The following EYS variants were observed in gnomAD, a reference collection of about 807,000 sequenced individuals.
EYS encodes protein eyes shut homolog.
A neutral mutation model predicts 282.1 loss-of-function variants in EYS; 250 were observed. The observed-to-expected ratio is 0.89, with a 90% CI of 0.80 to 0.98. EYS has a LOEUF of 0.98. Among genes scored for constraint, EYS ranks in the 50% least tolerant of loss-of-function variants. The pLI is 0.00. For missense variants in EYS, 4,016 were observed against 3,709.0 expected (o/e 1.08, Z -2.15); for synonymous variants, 1,355 against 1,282.9 (o/e 1.06, Z -1.20).
chr6:64,782,379 T>C lies in EYS; in HGVS notation c.3443+30999A>G, dbSNP rs73768416. On this transcript the variant is annotated intron_variant, in intron 22 of 42. Coordinates refer to ENST00000503581, the MANE Select transcript of EYS (RefSeq NM_001142800.2). ...GAAATAGTCAATACCCTATTTAGGGTCATGAAGCAGGCACAACGAAATTTT... is the reference window on the plus strand; with the variant it reads ...GAAATAGTCAATACCCTATTTAGGGCCATGAAGCAGGCACAACGAAATTTT... Among the ~76,000 whole-genome samples the C allele has an allele frequency of 8.8e-3, 1,343 of 152,268 alleles. 25 individuals are homozygous for C. The highest frequency in any genetic ancestry group is 0.031 in the African/African-American group (1,278 of 41,558).
chr6:65,553,421 G>C (rs943669400), intron 2 of EYS, among the ~76,000 whole-genome samples: 6 of 152,136 alleles, frequency 3.9e-5, no homozygotes, highest in Non-Finnish European at 8.8e-5. Flanking sequence ...AGGAAGCTAT[G>C]TCCAGCATCT....
At chr6:64,446,989 G>T (rs201091693) in intron 26 of EYS, among the ~76,000 whole-genome samples, 40,005 of 149,402 alleles carry the variant, frequency 0.27, 5,551 homozygotes, top group East Asian at 0.44. Flanking sequence ...GTGTGTGTGG[G>T]GGGGGGGTGC....
chr6:64,906,872 C>T (rs895043730), intron 16 of EYS, among the ~76,000 whole-genome samples: 1 of 151,988 alleles, frequency 6.6e-6, no homozygotes, highest in African/African-American at 2.4e-5. Context: ...GATAAAGAAC[C>T]ATTCATAAAA....
chr6:64,922,168 C>T (rs897828403), intron 15 of EYS, among the ~76,000 whole-genome samples: 4 of 152,148 alleles, frequency 2.6e-5, no homozygotes, highest in African/African-American at 9.7e-5. Context: ...CTCCCTCTCT[C>T]CCACCTCTGT....
intron 22 of EYS, among the ~76,000 whole-genome samples, chr6:64,746,765 T>A (rs756094558): frequency 6.6e-6 from 1 of 152,242 alleles, no homozygotes; most frequent in Non-Finnish European, 1.5e-5. Context: ...AGCAACTTTG[T>A]CAGTTCATCC....
rs1360577532 is a variant in EYS, at chr6:65,550,801, G to A, written c.-332-54808C>T. 3.0e-4 allele frequency among the ~76,000 whole-genome samples: 4 copies of A among 13,300 alleles called. 1 individual carries two copies. Among genetic ancestry groups the A allele is most frequent in the Non-Finnish European group, 4.4e-4 (4 of 9,038 alleles). The allele number at this position is 13,300 out of a possible 152,430, so 8.7% of individuals were successfully genotyped here. A position where few individuals can be genotyped will look rare whatever the true frequency, so the allele number is the denominator to read the frequency against. On this transcript the variant is annotated intron_variant, in intron 2 of 42. Transcript: ENST00000503581. ...GTGAATAGTGCCGCAATAAACATAC[G>A]TGTGCATGTGTCTTTATAGCAGCAT...
intron 12 of EYS, among the ~76,000 whole-genome samples, chr6:65,148,889 A>C (rs777043253): frequency 1.3e-5 from 2 of 152,058 alleles, no homozygotes; most frequent in Non-Finnish European, 2.9e-5. Flanking sequence ...CACCCTCTGA[A>C]GTAATGGCCC....
chr6:64,389,667 TAGAA>T (rs1561965954), intron 28 of EYS, among the ~76,000 whole-genome samples: 1 of 152,220 alleles, frequency 6.6e-6, no homozygotes, highest in Non-Finnish European at 1.5e-5. Flanking sequence ...CTAACCCTTA[TAGAA>T]AAAGTTGGTA....
chr6:65,650,177 G>A (rs757198291), intron 1 of EYS, among the ~76,000 whole-genome samples: 7 of 152,126 alleles, frequency 4.6e-5, no homozygotes, highest in African/African-American at 7.2e-5. Context: ...ATGAAGGCAG[G>A]CAAAATAGAG....
At chr6:65,652,718 G>T (rs896083091) in intron 1 of EYS, among the ~76,000 whole-genome samples, 1 of 151,880 alleles carries the variant, frequency 6.6e-6, no homozygotes, top group East Asian at 1.9e-4. Flanking sequence ...CTAAAATACA[G>T]TAAAATTTTG....
At chr6:64,299,417 T>C (rs1769151124) in intron 30 of EYS, among the ~76,000 whole-genome samples, 1 of 152,218 alleles carries the variant, frequency 6.6e-6, no homozygotes, top group Admixed American at 6.5e-5. Context: ...AGTGTCTGAG[T>C]ACATTATTCA....
chr6:64,978,621 C>T (rs1382069675), intron 14 of EYS, among the ~76,000 whole-genome samples: 1 of 151,888 alleles, frequency 6.6e-6, no homozygotes, highest in Non-Finnish European at 1.5e-5. Context: ...AGTAATTTCT[C>T]TGATGGATCT....
intron 8 of EYS, among the ~76,000 whole-genome samples, chr6:65,377,033 A>G (rs1303286661): frequency 6.6e-6 from 1 of 152,214 alleles, no homozygotes; most frequent in Non-Finnish European, 1.5e-5. Context: ...CCTAGTAGAT[A>G]TCTACAGAAC....
intron 1 of EYS, among the ~76,000 whole-genome samples, chr6:65,676,028 A>G (rs1251501716): frequency 6.6e-6 from 1 of 151,866 alleles, no homozygotes; most frequent in Non-Finnish European, 1.5e-5. Flanking sequence ...ATATGTACTG[A>G]CACAAACAAA....
chr6:64,621,308 C>A (rs80153090), intron 23 of EYS, among the ~76,000 whole-genome samples: 1 of 152,002 alleles, frequency 6.6e-6, no homozygotes, highest in East Asian at 1.9e-4. Context: ...ATTTTATTTT[C>A]ATTTCATTTT....
Position 64,582,716 on chromosome 6 carries a change from T to C in EYS, c.5644+7507A>G, listed in dbSNP as rs574263323. Among the ~76,000 whole-genome samples, 5 of 152,118 alleles carry C rather than the reference T, an allele frequency of 3.3e-5. No homozygotes were observed. The East Asian group carries it at 9.7e-4, about 29-fold the overall frequency. ...CAAAAAAGTTTGTATTATTAAACTA[T>C]CACAATCACTCTACTGTATTCTCTA... On this transcript the variant is annotated intron_variant, in intron 26 of 42. Coordinates refer to ENST00000503581, the MANE Select transcript of EYS (RefSeq NM_001142800.2).
At chr6:64,288,414 C>G (rs1488782017) in intron 30 of EYS, among the ~76,000 whole-genome samples, 2 of 152,072 alleles carry the variant, frequency 1.3e-5, no homozygotes, top group Non-Finnish European at 2.9e-5. Context: ...AATCAAGTTC[C>G]TCTTTGCCTC....
intron 7 of EYS, among the ~76,000 whole-genome samples, chr6:65,390,945 A>C (rs1766006991): frequency 6.6e-6 from 1 of 152,132 alleles, no homozygotes; most frequent in Admixed American, 6.6e-5. Context: ...TATTCTGTGG[A>C]CAAAATGAGA....
At chr6:64,691,026 A>C (rs1297496950) in intron 22 of EYS, among the ~76,000 whole-genome samples, 1 of 152,032 alleles carries the variant, frequency 6.6e-6, no homozygotes, top group African/African-American at 2.4e-5. Context: ...TGCATATATA[A>C]TATTAAAAGA....
Sources: gnomAD v4.1 joint callset for allele counts (sites outside exome capture counted in the v4.1 genomes callset) on GRCh38, gnomAD v4.1.1 for gene constraint, MANE v1.5 for transcripts, NCBI Gene and HGNC (gene_info 2026-07-23, HGNC 2026-07-21) for gene names.